The following GALNT18 variants were observed in gnomAD, a reference collection of about 807,000 sequenced individuals.
GALNT18 encodes the protein polypeptide N-acetylgalactosaminyltransferase 18, also known as GalNAc-transferase 18.
Under a neutral mutation model 69.5 loss-of-function variants are expected in GALNT18, and 44 were observed. That is an observed-to-expected ratio of 0.63 (90% CI 0.50 to 0.81). GALNT18 has a LOEUF of 0.81. Among genes scored for constraint, GALNT18 ranks in the 40% least tolerant of loss-of-function variants. The pLI is 0.00. For synonymous variants in GALNT18, 364 were observed against 318.2 expected (o/e 1.14, Z -1.53); for missense variants, 715 against 810.0 (o/e 0.88, Z 1.42).
intron 10 of GALNT18, among the ~76,000 whole-genome samples, chr11:11,274,148 C>T (rs1335578212): frequency 3.3e-5 from 5 of 152,184 alleles, no homozygotes; most frequent in Non-Finnish European, 5.9e-5. Context: ...ACAGTGCACT[C>T]CGGCTCAGAT....
chr11:11,425,478 T>A (rs775469814), intron 3 of GALNT18, among the ~76,000 whole-genome samples: 1 of 152,258 alleles, frequency 6.6e-6, no homozygotes, highest in Non-Finnish European at 1.5e-5. Flanking sequence ...TTACCATTGC[T>A]TTGATGTGCT....
intron 1 of GALNT18, among the ~76,000 whole-genome samples, chr11:11,549,348 G>A (rs7943730): frequency 0.21 from 31,479 of 152,144 alleles, 3,811 homozygotes; most frequent in Non-Finnish European, 0.26. Context: ...CCATTATACT[G>A]TCCCTGCTGC....
chr11:11,515,446 G>T (rs11021884), intron 1 of GALNT18, among the ~76,000 whole-genome samples: 1 of 151,996 alleles, frequency 6.6e-6, no homozygotes, highest in Non-Finnish European at 1.5e-5. Flanking sequence ...TGTGTGCCCC[G>T]ATTCCCCCTG....
intron 8 of GALNT18, among the ~76,000 whole-genome samples, chr11:11,329,955 ATAGCC>A (rs66796710): frequency 0.92 from 139,179 of 151,934 alleles, 64,031 homozygotes; most frequent in East Asian, 0.99. Context: ...TCAAGTTTAC[ATAGCC>A]TAGCCATTAA....
Position 11,606,682 on chromosome 11 carries a change from A to G in GALNT18, c.235+14677T>C, listed in dbSNP as rs1041944151. Among the ~76,000 whole-genome samples, 9 of 152,176 alleles carry G rather than the reference A, an allele frequency of 5.9e-5. No individual in the cohort carries two copies. The highest frequency in any genetic ancestry group is 1.4e-4 in the African/African-American group (6 of 41,452). On this transcript the variant is annotated intron_variant, in intron 1 of 10. Transcript: ENST00000227756. The surrounding 1 kb of genome is among the most constrained non-coding windows in gnomAD (Gnocchi z 5.4). ...GAAAAGCTGCCCACCTCTTTGTCCC[A>G]TAAGCACCTGGTTTCATCTGAGGAC... is the stretch of plus-strand genomic sequence containing the variant.
chr11:11,503,353 G>A (rs137972959), intron 1 of GALNT18, among the ~76,000 whole-genome samples: 122 of 152,262 alleles, frequency 8.0e-4, no homozygotes, highest in Non-Finnish European at 1.4e-3. Context: ...TAGAAATGAC[G>A]ATCTGAAGGG....
At chr11:11,274,757 G>A (rs1253162323) in intron 10 of GALNT18, among the ~76,000 whole-genome samples, 4 of 152,096 alleles carry the variant, frequency 2.6e-5, no homozygotes, top group Non-Finnish European at 5.9e-5. Context: ...GTGTCCATGT[G>A]TTCTCATTGT....
chr11:11,285,185 G>A (rs555890810), intron 10 of GALNT18, among the ~76,000 whole-genome samples: 46 of 152,042 alleles, frequency 3.0e-4, no homozygotes, highest in Admixed American at 2.6e-4. Context: ...CCATTGCAGC[G>A]ATCCACTGGT....
intron 1 of GALNT18, among the ~76,000 whole-genome samples, chr11:11,607,228 T>C (rs935872343): frequency 1.3e-5 from 2 of 152,236 alleles, no homozygotes; most frequent in Non-Finnish European, 2.9e-5. Context: ...CTGGCTCTTG[T>C]TGAAAAATAA....
intron 4 of GALNT18, among the ~76,000 whole-genome samples, 188 bp downstream of exon 4, chr11:11,378,893 C>G (rs1285423757): frequency 6.6e-6 from 1 of 152,202 alleles, no homozygotes; most frequent in Non-Finnish European, 1.5e-5. Flanking sequence ...CCCCTCCCCT[C>G]TACCACACCT....
chr11:11,355,626 G>A (rs148626076), intron 6 of GALNT18, among the ~76,000 whole-genome samples: 38 of 152,222 alleles, frequency 2.5e-4, no homozygotes, highest in African/African-American at 8.7e-4. Flanking sequence ...TAGAAACACT[G>A]AAATCCCAAA....
At chr11:11,553,311 C>A (rs1291703429) in intron 1 of GALNT18, among the ~76,000 whole-genome samples, 1 of 152,210 alleles carries the variant, frequency 6.6e-6, no homozygotes, top group Non-Finnish European at 1.5e-5. Context: ...CCACCTGCTG[C>A]AGGATTTCAG....
chr11:11,273,229 G>A lies in GALNT18; in HGVS notation c.1678-1939C>T, dbSNP rs181307580. On this transcript the variant is annotated intron_variant, in intron 10 of 10. Coordinates refer to ENST00000227756, the MANE Select transcript of GALNT18 (RefSeq NM_198516.3). ...GATCACATCAAGTTAAAAAGCTTCT[G>A]CACAGCAAAGGAAACAATCAAAGTA... is the stretch of plus-strand genomic sequence containing the variant. 4.4e-5 allele frequency among the ~76,000 whole-genome samples: 6 copies of A among 137,672 alleles called. No individual in the cohort carries two copies. The East Asian group carries it at 1.2e-3, about 28-fold the overall frequency. 90.3% of individuals were successfully genotyped at this position (137,672 alleles called of 152,430 possible). A position where few individuals can be genotyped will look rare whatever the true frequency, so the allele number is the denominator to read the frequency against.
At chr11:11,342,521 C>T (rs565589534) in intron 6 of GALNT18, among the ~76,000 whole-genome samples, 4 of 152,346 alleles carry the variant, frequency 2.6e-5, no homozygotes, top group African/African-American at 9.6e-5. Context: ...TTCCCTTTCA[C>T]CCATCCATGT....
rs1014681848 is a variant in GALNT18, at chr11:11,621,874, C to T, written c.-281G>A. 2.4e-5 allele frequency: 8 copies of T among 336,494 alleles called. No individual in the cohort carries two copies. Among genetic ancestry groups the T allele is most frequent in the African/African-American group, 1.3e-4 (6 of 47,100 alleles). The allele number at this position is 336,494 out of a possible 1,614,324, so 20.8% of individuals were successfully genotyped here. A position where few individuals can be genotyped will look rare whatever the true frequency, so the allele number is the denominator to read the frequency against. On this transcript the variant is annotated 5_prime_UTR_variant, in exon 1 of 11. Coordinates refer to ENST00000227756, the MANE Select transcript of GALNT18 (RefSeq NM_198516.3). The surrounding 1 kb of genome is among the most constrained non-coding windows in gnomAD (Gnocchi z 9.3). Reference sequence around the variant, plus strand: ...CCCTTCCTAGAGGGGTCACGGGTAGCCGGCAGCCGCGCGTCCAGATGTGTA... The same window carrying T: ...CCCTTCCTAGAGGGGTCACGGGTAGTCGGCAGCCGCGCGTCCAGATGTGTA...
intron 9 of GALNT18, among the ~76,000 whole-genome samples, chr11:11,308,533 A>C (rs1314433866): frequency 6.6e-6 from 1 of 152,030 alleles, no homozygotes; most frequent in Non-Finnish European, 1.5e-5. Context: ...CCAACAAAAC[A>C]AACCTTTCCT....
At position 11,621,623 on chromosome 11, in the gene GALNT18, C is replaced by G. The variant is rs1464120056; in HGVS notation, c.-30G>C. On this transcript the variant is annotated 5_prime_UTR_variant, in exon 1 of 11. Transcript: ENST00000227756. This position sits in a 1 kb window ranked among gnomAD's most constrained non-coding sequence, Gnocchi z 9.3. ...GGCTCCTTCCTCCATATAGAGCTCC[C>G]GGGGGCCCTTCCTTGTCGTGCGCCC... is the stretch of plus-strand genomic sequence containing the variant. 8 of 1,513,068 alleles carry G rather than the reference C, an allele frequency of 5.3e-6. No homozygotes were observed. The East Asian group carries it at 1.7e-4, about 32-fold the overall frequency. The allele number at this position is 1,513,068 out of a possible 1,614,324, so 93.7% of individuals were successfully genotyped here. A position where few individuals can be genotyped will look rare whatever the true frequency, so the allele number is the denominator to read the frequency against.
At chr11:11,275,218 C>T (rs953878328) in intron 10 of GALNT18, among the ~76,000 whole-genome samples, 8 of 152,230 alleles carry the variant, frequency 5.3e-5, no homozygotes, top group African/African-American at 1.7e-4. Context: ...TGTTTCCTGA[C>T]TTTTTAATGA....
At chr11:11,274,873 C>A (rs908429464) in intron 10 of GALNT18, among the ~76,000 whole-genome samples, 3 of 152,196 alleles carry the variant, frequency 2.0e-5, no homozygotes, top group Admixed American at 2.0e-4. Flanking sequence ...ATCCATGGGA[C>A]ATGAACTCAT....
Sources: gnomAD v4.1 joint callset for allele counts (sites outside exome capture counted in the v4.1 genomes callset) on GRCh38, gnomAD v4.1.1 for gene constraint, Gnocchi (gnomAD v3.1) non-coding constraint, MANE v1.5 for transcripts, NCBI Gene and HGNC (gene_info 2026-07-23, HGNC 2026-07-21) for gene names.